PHF3: variants seen among roughly 807,000 people sequenced by gnomAD.
PHF3 encodes PHD finger protein 3.
A neutral mutation model predicts 178.4 loss-of-function variants in PHF3; 41 were observed. The observed-to-expected ratio is 0.23, with a 90% CI of 0.18 to 0.30. The LOEUF is 0.30. Ranked by LOEUF, PHF3 falls within the 10% of genes least tolerant of loss-of-function variation. PHF3 has a pLI of 1.00. For missense variants in PHF3, 2,346 were observed against 2,398.1 expected, an observed-to-expected ratio of 0.98 and a Z score of 0.45; for synonymous variants, 842 against 800.5, an observed-to-expected ratio of 1.05 and a Z score of -0.88.
rs978683982 is a variant in PHF3 at position 63,718,284 on chromosome 6, C to T, written c.*4576C>T. Among the ~76,000 whole-genome samples, 1 of 151,840 alleles carries T rather than the reference C, an allele frequency of 6.6e-6. No homozygotes were observed. The highest frequency in any genetic ancestry group is 1.9e-4 in the East Asian group (1 of 5,184). On this transcript the variant is annotated 3_prime_UTR_variant, in exon 16 of 16. Coordinates refer to ENST00000262043, the MANE Select transcript of PHF3 (RefSeq NM_001370348.2). ...AGGTAGAAAAGTTATAAAATCTGAA[C>T]GTAAAATTGCAACTGTGAAAAGCTT...
Position 63,713,089 on chromosome 6 carries a change from A to G in PHF3, c.5501A>G (p.His1834Arg), listed in dbSNP as rs1406004111. The G allele has an allele frequency of 6.2e-7, 1 of 1,613,868 alleles. No homozygotes were observed. The highest frequency in any genetic ancestry group is 1.7e-5 in the Admixed American group (1 of 59,986). The change falls in exon 16 of 16, where the codon CAT becomes CGT. Residue 1834 changes from histidine to arginine, a missense_variant. Transcript: ENST00000262043. Reference sequence around the variant, plus strand: ...CAAAGCATGTTTGGATTTCCACCACATTTGCCACCTCCATTACTTCCCCCT... The same window carrying G: ...CAAAGCATGTTTGGATTTCCACCACGTTTGCCACCTCCATTACTTCCCCCT... ...PPQSMFGFPP[H>R]LPPPLLPPPG...
chr6:63,698,808 T>C lies in PHF3; in HGVS notation c.2982+203T>C. Among the ~76,000 whole-genome samples the C allele has an allele frequency of 1.3e-5, 2 of 152,168 alleles. 1 individual carries two copies. The highest frequency in any genetic ancestry group is 3.8e-4 in the East Asian group (2 of 5,202). ...GCATTAACCATTCAGTCTACTGAAA[T>C]GCTAAACGTGTCTTAACCTGATTTA... On this transcript the variant is annotated intron_variant, in intron 8 of 15. Transcript: ENST00000262043.
chr6:63,692,257 T>A (rs1470208270), intron 5 of PHF3, among the ~76,000 whole-genome samples: 3 of 152,196 alleles, frequency 2.0e-5, no homozygotes, highest in Non-Finnish European at 4.4e-5. Flanking sequence ...CCTTATCTCT[T>A]ACAGTCTTTT....
chr6:63,648,239 G>T (rs1764873093), intron 2 of PHF3, among the ~76,000 whole-genome samples: 1 of 152,094 alleles, frequency 6.6e-6, no homozygotes. Flanking sequence ...TTAAAATTTT[G>T]TTTTATGTAT....
intron 2 of PHF3, among the ~76,000 whole-genome samples, chr6:63,659,508 G>A (rs1036505244): frequency 3.3e-5 from 5 of 152,084 alleles, no homozygotes; most frequent in Non-Finnish European, 7.4e-5. Context: ...TAAAATGTGT[G>A]GATGTTAATG....
intron 2 of PHF3, among the ~76,000 whole-genome samples, chr6:63,655,215 C>G (rs960891689): frequency 2.6e-5 from 4 of 152,024 alleles, no homozygotes; most frequent in African/African-American, 9.7e-5. Context: ...AGGTGCCCAC[C>G]ACCATGCCCG....
rs771629040 is a variant in PHF3 at position 63,684,609 on chromosome 6, A to C, written c.887A>C (p.Gln296Pro). ...FKFSDKEEHE[Q>P]NDSISGKTGE... is the part of the protein sequence containing the mutation. ...TTTTCAGATAAAGAAGAACATGAAC[A>C]AAATGATTCCATTTCAGGTAAAACG... The change falls in exon 4 of 16, where the codon CAA becomes CCA. Residue 296 changes from glutamine (Q) to proline (P), a missense_variant. Gln to Pro is a moderately conservative substitution (Grantham distance 76). Around this residue, in one of 8 missense-constraint regions of PHF3, gnomAD observed 843 missense variants for 795.2 expected, o/e 1.06. Transcript: ENST00000262043. The C allele has an allele frequency of 3.1e-6, 5 of 1,613,882 alleles. No individual in the cohort carries two copies. In the East Asian group the frequency reaches 8.9e-5, roughly 29 times the overall value.
At chr6:63,643,511 G>T (rs1561936378) in intron 1 of PHF3, among the ~76,000 whole-genome samples, 1 of 152,124 alleles carries the variant, frequency 6.6e-6, no homozygotes, top group East Asian at 1.9e-4. Flanking sequence ...TGTGGAAATT[G>T]TCTTCTTTGG....
At chr6:63,653,452 G>A (rs193243233) in intron 2 of PHF3, among the ~76,000 whole-genome samples, 41 of 151,742 alleles carry the variant, frequency 2.7e-4, no homozygotes, top group Admixed American at 2.0e-3. Flanking sequence ...TACATTTTTC[G>A]GTGAGTAGGA....
intron 4 of PHF3, among the ~76,000 whole-genome samples, chr6:63,687,733 TG>T (rs1400724616): frequency 1.3e-5 from 2 of 152,232 alleles, no homozygotes; most frequent in Non-Finnish European, 2.9e-5. Context: ...TGATGACTCA[TG>T]CTTCACCAAC....
intron 2 of PHF3, among the ~76,000 whole-genome samples, chr6:63,675,894 C>T (rs983207042): frequency 5.9e-5 from 9 of 152,184 alleles, no homozygotes; most frequent in Non-Finnish European, 7.3e-5. Flanking sequence ...TACTTCTTAA[C>T]TCCTTCTCAT....
chr6:63,720,890 TA>T lies in PHF3; in HGVS notation c.*7183del. On this transcript the variant is annotated 3_prime_UTR_variant, in exon 16 of 16. Coordinates refer to ENST00000262043, the MANE Select transcript of PHF3 (RefSeq NM_001370348.2). ...TAAGAGTCTGATTTTGAATTACAAC[TA>T]CATGGTGCCATTTATTACAACAGAA... is the stretch of plus-strand genomic sequence containing the variant. 6.4e-7 allele frequency: 1 copy of T among 1,550,882 alleles called. No homozygotes were observed. Among genetic ancestry groups the T allele is most frequent in the Non-Finnish European group, 8.7e-7 (1 of 1,146,340 alleles).
At chr6:63,649,275 C>A (rs1376086018) in intron 2 of PHF3, among the ~76,000 whole-genome samples, 2 of 151,994 alleles carry the variant, frequency 1.3e-5, no homozygotes, top group African/African-American at 4.8e-5. Context: ...TTGATGAAAA[C>A]CCTGTGTGGA....
rs962684070 is a variant in PHF3, at chr6:63,716,887, G to A, written c.*3179G>A. 2.6e-5 allele frequency among the ~76,000 whole-genome samples: 4 copies of A among 151,794 alleles called. No homozygotes were observed. The highest frequency in any genetic ancestry group is 5.9e-5 in the Non-Finnish European group (4 of 67,920). ...TCCAGGGTAATGTTCCTATTTTCAG[G>A]TCAGCTGATGAGCAACTTAAATTCC... On this transcript the variant is annotated 3_prime_UTR_variant, in exon 16 of 16. Coordinates refer to ENST00000262043, the MANE Select transcript of PHF3 (RefSeq NM_001370348.2).
In PHF3 at chr6:63,718,541, C is replaced by T. The variant is rs905317761; in HGVS notation, c.*4833C>T. 6.6e-6 allele frequency among the ~76,000 whole-genome samples: 1 copy of T among 151,944 alleles called. No individual in the cohort carries two copies. The highest frequency in any genetic ancestry group is 2.4e-5 in the African/African-American group (1 of 41,406). The stretch of plus-strand genomic sequence containing the variant: ...AAGAGTGTCATTGTCTTGATTTTTG[C>T]ATATTTCCAATTTCTGACTTAGGGC... On this transcript the variant is annotated 3_prime_UTR_variant, in exon 16 of 16. Transcript: ENST00000262043.
Position 63,684,890 on chromosome 6 carries a change from A to T in PHF3, c.1168A>T (p.Thr390Ser). ...GGGTATTGCTGATAAAACTGAGAAC[A>T]CCCTTGAAAGAAATAAAATTGAACC... ...TMGIADKTEN[T>S]LERNKIEPLG... The change falls in exon 4 of 16, where the codon ACC becomes TCC. Residue 390 changes from threonine to serine, a missense_variant. Coordinates refer to ENST00000262043, the MANE Select transcript of PHF3 (RefSeq NM_001370348.2). The T allele has an allele frequency of 1.2e-6, 2 of 1,614,042 alleles. No individual in the cohort carries two copies. Among genetic ancestry groups the T allele is most frequent in the South Asian group, 2.2e-5 (2 of 91,078 alleles).
chr6:63,694,684 G>T lies in PHF3; in HGVS notation c.2600G>T (p.Arg867Ile). The change falls in exon 6 of 16, where the codon AGA (arginine) becomes ATA (isoleucine). Residue 867 changes from arginine to isoleucine, a missense_variant. By Grantham distance (97) the Arg-to-Ile change is moderately conservative (BLOSUM62 -3). Around this residue, in one of 8 missense-constraint regions of PHF3, gnomAD observed 252 missense variants for 232.0 expected, o/e 1.09. Transcript: ENST00000262043. ...ATGGGACAACCAGTTTTACCTCGGA[G>T]ATCCTCAGAAGAAAAAAGTGAAAAA... ...RKMGQPVLPR[R>I]SSEEKSEKIP... is the part of the protein sequence containing the mutation. 6.2e-7 allele frequency: 1 copy of T among 1,601,916 alleles called. No individual in the cohort carries two copies. The highest frequency in any genetic ancestry group is 8.5e-7 in the Non-Finnish European group (1 of 1,173,750).
rs1266506436 is a variant in PHF3 at position 63,715,308 on chromosome 6, T to C, written c.*1600T>C. ...TTAAATAAAGCCCGTTTAACTTTGG[T>C]CCACTTTTCTTTTGGAAATTAACTT... On this transcript the variant is annotated 3_prime_UTR_variant, in exon 16 of 16. Transcript: ENST00000262043. The C allele has an allele frequency of 6.6e-6, 1 of 152,156 alleles. No individual in the cohort carries two copies. The highest frequency in any genetic ancestry group is 1.5e-5 in the Non-Finnish European group (1 of 68,010). The allele number at this position is 152,156 out of a possible 1,614,324, so 9.4% of individuals were successfully genotyped here.
intron 2 of PHF3, among the ~76,000 whole-genome samples, chr6:63,667,361 T>G (rs116717292): frequency 0.012 from 1,815 of 152,300 alleles, 31 homozygotes; most frequent in African/African-American, 0.042. Context: ...TTTGAAAATT[T>G]AAAACATACT....
Sources: allele counts gnomAD v4.1 joint callset (sites outside exome capture counted in the v4.1 genomes callset), GRCh38; gene constraint gnomAD v4.1.1; regional missense constraint gnomAD v4.1.1; transcripts MANE v1.5; gene names NCBI Gene and HGNC (gene_info 2026-07-23, HGNC 2026-07-21).